The following DNAJB6 variants were observed in gnomAD, a reference collection of about 807,000 sequenced individuals.
DNAJB6 encodes DnaJ heat shock protein family (Hsp40) member B6.
DNAJB6 carries 16 observed loss-of-function variants against 42.7 expected under a neutral mutation model. The ratio of observed to expected loss-of-function variants is 0.37; its 90% CI spans 0.25 to 0.57. The LOEUF (loss-of-function observed/expected upper bound fraction) is 0.57. Among genes scored for constraint, DNAJB6 ranks in the 20% least tolerant of loss-of-function variants. The pLI, the probability that DNAJB6 is intolerant of heterozygous loss-of-function variation, is 0.74. For synonymous variants in DNAJB6, 170 were observed against 163.5 expected (o/e 1.04, Z -0.30); for missense variants, 347 against 416.8 (o/e 0.83, Z 1.46).
intron 1 of DNAJB6, 95 bp downstream of exon 1, chr7:157,337,239 G>C (rs1237792255): frequency 5.3e-5 from 8 of 152,264 alleles, no homozygotes; most frequent in Non-Finnish European, 1.2e-4. Context: ...CAACAGCGCG[G>C]GGGGTGACCG....
intron 8 of DNAJB6, among the ~76,000 whole-genome samples, chr7:157,396,188 A>G (rs1315292988): frequency 1.3e-5 from 2 of 152,062 alleles, no homozygotes; most frequent in Non-Finnish European, 2.9e-5. Flanking sequence ...ACCTCAGGCA[A>G]TCTGCCCGCT....
At chr7:157,397,861 G>A (rs947871493) in intron 8 of DNAJB6, among the ~76,000 whole-genome samples, 1 of 152,244 alleles carries the variant, frequency 6.6e-6, no homozygotes, top group African/African-American at 2.4e-5. Flanking sequence ...GTTTAAAACT[G>A]TTCAGGAGTC....
At chr7:157,397,308 G>T (rs1801637464) in intron 8 of DNAJB6, among the ~76,000 whole-genome samples, 1 of 152,194 alleles carries the variant, frequency 6.6e-6, no homozygotes, top group Non-Finnish European at 1.5e-5. Flanking sequence ...CAGCACCTAG[G>T]AGACACTGAA....
intron 8 of DNAJB6, among the ~76,000 whole-genome samples, chr7:157,403,963 C>T (rs1475658125): frequency 6.6e-6 from 1 of 152,030 alleles, no homozygotes; most frequent in Non-Finnish European, 1.5e-5. Context: ...AACACCTTTT[C>T]AGCCTACTGT....
intron 1 of DNAJB6, among the ~76,000 whole-genome samples, chr7:157,340,895 G>T (rs1028623077): frequency 6.6e-6 from 1 of 152,092 alleles, no homozygotes; most frequent in African/African-American, 2.4e-5. Context: ...TCGAACACCT[G>T]ACCTCAGGTG....
intron 5 of DNAJB6, among the ~76,000 whole-genome samples, chr7:157,377,425 A>C (rs1026370792): frequency 6.6e-6 from 1 of 152,250 alleles, no homozygotes; most frequent in Admixed American, 6.5e-5. Context: ...GACCCATTTA[A>C]AGATGCTTCT....
At chr7:157,377,989 G>C (rs1199466241) in intron 5 of DNAJB6, 1 of 152,198 alleles carries the variant, frequency 6.6e-6, no homozygotes, top group Non-Finnish European at 1.5e-5. Context: ...TCCTTGATAC[G>C]GGGTAACTTA....
At chr7:157,360,746 T>C (rs1238816097) in intron 2 of DNAJB6, among the ~76,000 whole-genome samples, 1 of 152,182 alleles carries the variant, frequency 6.6e-6, no homozygotes, top group Non-Finnish European at 1.5e-5. Context: ...GTTGACAGTT[T>C]TTGATTGAAG....
intron 8 of DNAJB6, among the ~76,000 whole-genome samples, chr7:157,402,712 C>G (rs1395587946): frequency 1.3e-5 from 2 of 152,186 alleles, no homozygotes; most frequent in African/African-American, 4.8e-5. Flanking sequence ...CATGGGTGGT[C>G]CCAATTTAAA....
At chr7:157,378,777 A>ATAAT (rs1320080675) in intron 5 of DNAJB6, 1 of 152,222 alleles carries the variant, frequency 6.6e-6, no homozygotes, top group African/African-American at 2.4e-5. Context: ...AGCTTAATAC[A>ATAAT]TACTTCTAGA....
At chr7:157,406,271 T>TG (rs1563151651) in intron 8 of DNAJB6, among the ~76,000 whole-genome samples, 1 of 152,252 alleles carries the variant, frequency 6.6e-6, no homozygotes, top group African/African-American at 2.4e-5. Context: ...CCCCAGGTGA[T>TG]GCCAGGGAGA....
intron 5 of DNAJB6, among the ~76,000 whole-genome samples, chr7:157,377,886 C>T (rs1464811671): frequency 6.6e-6 from 1 of 152,210 alleles, no homozygotes; most frequent in Admixed American, 6.5e-5. Flanking sequence ...AAGGTCATAG[C>T]CACCTAACAC....
At chr7:157,383,656 G>A (rs528416153) in intron 6 of DNAJB6, among the ~76,000 whole-genome samples, 12 of 151,534 alleles carry the variant, frequency 7.9e-5, no homozygotes, top group Non-Finnish European at 1.8e-4. Context: ...GGGGGTGTAA[G>A]CCTTCTCCAC....
In DNAJB6 at chr7:157,359,331, G is replaced by A. The variant is rs1317168966; in HGVS notation, c.65+694G>A. Reference sequence around the variant, plus strand: ...CTATACTGCTAGACTTAGTGGGTCTGAAGATAGAATTAACTTTTTTGGGGG... The same window carrying A: ...CTATACTGCTAGACTTAGTGGGTCTAAAGATAGAATTAACTTTTTTGGGGG... On this transcript the variant is annotated intron_variant, in intron 2 of 9. Coordinates refer to ENST00000262177, the MANE Select transcript of DNAJB6 (RefSeq NM_058246.4). Among the ~76,000 whole-genome samples, 5 of 152,290 alleles carry A rather than the reference G, an allele frequency of 3.3e-5. No homozygotes were observed. In the East Asian group the frequency reaches 9.6e-4, roughly 29 times the overall value.
In DNAJB6 at chr7:157,410,454, C is replaced by T. The variant is rs538624977; in HGVS notation, c.898+453C>T. ...GCGCTGGGTGCAGAACAAAAGACCC[C>T]CTCAAGTCAAGCCTCCTTGTGAAGC... On this transcript the variant is annotated intron_variant, in intron 9 of 9. Coordinates refer to ENST00000262177, the MANE Select transcript of DNAJB6 (RefSeq NM_058246.4). 286 of 248,040 alleles carry T rather than the reference C, an allele frequency of 1.2e-3. 1 individual carries two copies. Among genetic ancestry groups the T allele is most frequent in the Non-Finnish European group, 2.0e-3 (255 of 130,686 alleles). 15.4% of individuals were successfully genotyped at this position (248,040 alleles called of 1,614,324 possible).
At chr7:157,396,427 G>A (rs182339023) in intron 8 of DNAJB6, among the ~76,000 whole-genome samples, 49 of 152,344 alleles carry the variant, frequency 3.2e-4, no homozygotes, top group African/African-American at 1.1e-3. Flanking sequence ...ACTTTATGTA[G>A]TGGGCAGTTA....
chr7:157,365,092 C>T (rs764837701), intron 3 of DNAJB6, among the ~76,000 whole-genome samples: 3 of 152,160 alleles, frequency 2.0e-5, no homozygotes, highest in African/African-American at 7.2e-5. Flanking sequence ...ACTGGGACCA[C>T]GGGTGGGTGC....
chr7:157,403,180 C>T (rs1795602800), intron 8 of DNAJB6, among the ~76,000 whole-genome samples: 1 of 151,966 alleles, frequency 6.6e-6, no homozygotes, highest in African/African-American at 2.4e-5. Context: ...AGTCTCTGAT[C>T]AGCCTTTCAC....
At chr7:157,400,085 C>CCTTTA (rs1465275617) in intron 8 of DNAJB6, among the ~76,000 whole-genome samples, 24 of 152,312 alleles carry the variant, frequency 1.6e-4, no homozygotes, top group African/African-American at 5.5e-4. Flanking sequence ...CTTTGTAAAG[C>CCTTTA]CAAAACATGA....
Sources: allele counts gnomAD v4.1 joint callset (sites outside exome capture counted in the v4.1 genomes callset), GRCh38; gene constraint gnomAD v4.1.1; transcripts MANE v1.5; gene names NCBI Gene and HGNC (gene_info 2026-07-23, HGNC 2026-07-21).